The following ANKRD13A variants were observed in gnomAD, a reference collection of about 807,000 sequenced individuals.
The protein encoded by ANKRD13A is ankyrin repeat domain-containing protein 13A.
In ANKRD13A, 48 loss-of-function variants were observed where a neutral mutation model predicts 81.3. The ratio of observed to expected loss-of-function variants is 0.59; its 90% CI spans 0.47 to 0.75. The LOEUF (loss-of-function observed/expected upper bound fraction) is 0.75, where lower values mean the gene tolerates loss of function less well. ANKRD13A is among the 30% of genes least tolerant of loss of function. The probability of loss-of-function intolerance (pLI) is 0.00; values close to 1 mark genes in which losing one functional copy is unlikely to be tolerated. For missense variants in ANKRD13A, 612 were observed against 734.0 expected (o/e 0.83, Z 1.92); for synonymous variants, 230 against 270.1 (o/e 0.85, Z 1.45).
intron 3 of ANKRD13A, among the ~76,000 whole-genome samples, chr12:110,014,318 A>C (rs943560565): frequency 6.6e-6 from 1 of 152,198 alleles, no homozygotes; most frequent in Admixed American, 6.5e-5. Flanking sequence ...AGGCTGAGGC[A>C]GGAGAATGCT....
At chr12:110,028,208 C>T (rs1270348139) in intron 9 of ANKRD13A, 1 of 333,640 alleles carries the variant, frequency 3.0e-6, no homozygotes, top group Non-Finnish European at 5.5e-6. Flanking sequence ...GCTAGAACTT[C>T]AACTCCAAGT....
At position 110,018,502 on chromosome 12, in the gene ANKRD13A, C is replaced by T. The variant is rs1163055938; in HGVS notation, c.544+14C>T. ...TTAAGGGAGAAGGTGAGTGACTTCT[C>T]TTGTAGTAATCACTGCTCAAGCAAA... is the stretch of plus-strand genomic sequence containing the variant. On this transcript the variant is annotated intron_variant, in intron 5 of 14. Coordinates refer to ENST00000261739, the MANE Select transcript of ANKRD13A (RefSeq NM_033121.2). This position sits in a 1 kb window ranked among gnomAD's most constrained non-coding sequence, Gnocchi z 4.4. 2 of 1,611,768 alleles carry T rather than the reference C, an allele frequency of 1.2e-6. No individual in the cohort carries two copies. The highest frequency in any genetic ancestry group is 1.7e-6 in the Non-Finnish European group (2 of 1,178,412).
At position 110,018,513 on chromosome 12, in the gene ANKRD13A, C is replaced by A; in HGVS notation, c.544+25C>A. 1 of 1,605,514 alleles carries A rather than the reference C, an allele frequency of 6.2e-7. No homozygotes were observed. The highest frequency in any genetic ancestry group is 2.2e-5 in the East Asian group (1 of 44,636). On this transcript the variant is annotated intron_variant, in intron 5 of 14. Coordinates refer to ENST00000261739, the MANE Select transcript of ANKRD13A (RefSeq NM_033121.2). This position sits in a 1 kb window ranked among gnomAD's most constrained non-coding sequence, Gnocchi z 4.4. ...GGTGAGTGACTTCTCTTGTAGTAAT[C>A]ACTGCTCAAGCAAAATTACAGGGTG...
intron 1 of ANKRD13A, among the ~76,000 whole-genome samples, chr12:110,004,995 T>C (rs990888727): frequency 2.8e-5 from 4 of 140,658 alleles, no homozygotes; most frequent in African/African-American, 1.3e-4. Context: ...TGTATAAACA[T>C]ATACAGATTG....
chr12:110,034,269 C>T (rs144732373), intron 13 of ANKRD13A, among the ~76,000 whole-genome samples: 1 of 152,224 alleles, frequency 6.6e-6, no homozygotes, highest in African/African-American at 2.4e-5. Flanking sequence ...AGCACTGAAG[C>T]AGTATCATAT....
chr12:110,033,796 G>A lies in ANKRD13A; in HGVS notation c.1349-1G>A. ...CACTGGACGGTTGCCTTTTGTTTCA[G>A]CTTCCCACATCACAAACTTTGAGGT... On this transcript the variant is annotated splice_acceptor_variant, in intron 12 of 14. Transcript: ENST00000261739. LOFTEE classifies it high-confidence loss of function. The A allele has an allele frequency of 6.3e-7, 1 of 1,593,198 alleles. No individual in the cohort carries two copies. The highest frequency in any genetic ancestry group is 1.1e-5 in the South Asian group (1 of 88,308).
chr12:110,011,910 T>C, intron 1 of ANKRD13A, 95 bp from the exon 2 acceptor site: 1 of 1,275,794 alleles, frequency 7.8e-7, no homozygotes, highest in Non-Finnish European at 1.1e-6. Context: ...CATAAATATG[T>C]TTTCTATTTT....
At position 110,025,732 on chromosome 12, in the gene ANKRD13A, C is replaced by T. The variant is rs766743314; in HGVS notation, c.802-10C>T. 9 of 1,597,514 alleles carry T rather than the reference C, an allele frequency of 5.6e-6. No homozygotes were observed. In the East Asian group the frequency reaches 9.2e-5, roughly 16 times the overall value. On this transcript the variant is annotated splice_polypyrimidine_tract_variant and intron_variant, in intron 7 of 14. Coordinates refer to ENST00000261739, the MANE Select transcript of ANKRD13A (RefSeq NM_033121.2). Reference sequence around the variant, plus strand: ...CTGTGTCACTGTTTTCTTTCGCATACACCTCTCAGGTTTACACAGTAAACA... The same window carrying T: ...CTGTGTCACTGTTTTCTTTCGCATATACCTCTCAGGTTTACACAGTAAACA...
At chr12:110,030,270 G>T (rs988740831) in intron 11 of ANKRD13A, among the ~76,000 whole-genome samples, 7 of 151,810 alleles carry the variant, frequency 4.6e-5, no homozygotes, top group African/African-American at 1.7e-4. Flanking sequence ...GGGTTCAAGC[G>T]ATTTTCCTGC....
intron 9 of ANKRD13A, 195 bp from the exon 10 acceptor site, chr12:110,028,317 G>A: frequency 2.0e-6 from 1 of 503,222 alleles, no homozygotes; most frequent in Non-Finnish European, 3.5e-6. Context: ...ATTTTAAAAT[G>A]AAGAAATCCA....
At position 110,036,215 on chromosome 12, in the gene ANKRD13A, A is replaced by G. The variant is rs1164674135; in HGVS notation, c.1510-46A>G. 1 of 1,579,482 alleles carries G rather than the reference A, an allele frequency of 6.3e-7. No individual in the cohort carries two copies. The highest frequency in any genetic ancestry group is 2.2e-5 in the East Asian group (1 of 44,690). On this transcript the variant is annotated intron_variant, in intron 13 of 14. Transcript: ENST00000261739. This position sits in a 1 kb window ranked among gnomAD's most constrained non-coding sequence, Gnocchi z 4.6. ...TCGTTTCCTTACCAGAATGGCACCA[A>G]TTTCTCCTAAGACGTATTCATGTCT... is the stretch of plus-strand genomic sequence containing the variant.
intron 1 of ANKRD13A, among the ~76,000 whole-genome samples, chr12:110,010,643 G>C (rs1418341526): frequency 6.6e-6 from 1 of 152,196 alleles, no homozygotes; most frequent in Non-Finnish European, 1.5e-5. Flanking sequence ...AGCACCGGGG[G>C]AACACTGAGG....
intron 2 of ANKRD13A, among the ~76,000 whole-genome samples, chr12:110,012,565 C>T (rs182374721): frequency 1.3e-5 from 2 of 152,324 alleles, no homozygotes; most frequent in East Asian, 1.9e-4. Context: ...CCAGAAACAG[C>T]TCTCAGTGCA....
At chr12:110,025,167 C>A (rs1432495467) in intron 7 of ANKRD13A, among the ~76,000 whole-genome samples, 1 of 152,074 alleles carries the variant, frequency 6.6e-6, no homozygotes. Context: ...ACCAGCCTGG[C>A]CAACATGGTG....
In ANKRD13A at chr12:110,037,461, C is replaced by A. The variant is rs1166118986; in HGVS notation, c.1680C>A (p.Leu560=). The A allele has an allele frequency of 4.3e-6, 7 of 1,614,104 alleles. No homozygotes were observed. Among genetic ancestry groups the A allele is most frequent in the Admixed American group, 1.7e-5 (1 of 60,012 alleles). Residue 560 remains leucine (L), a synonymous_variant, in exon 15 of 15, where the codon CTC becomes CTA. Coordinates refer to ENST00000261739, the MANE Select transcript of ANKRD13A (RefSeq NM_033121.2). ...ATGACTTGCAGCTAGCCATGGAGCT[C>A]TCTGCCAAAGAGCTGGAGGAATGGG... ...FDNDLQLAME[L]SAKELEEWEL...
chr12:110,033,771 C>T lies in ANKRD13A; in HGVS notation c.1349-26C>T, dbSNP rs761168712. ...GGAGTGGAAATGTAATGAACTCAGACACTGGACGGTTGCCTTTTGTTTCAG... is the reference window on the plus strand; with the variant it reads ...GGAGTGGAAATGTAATGAACTCAGATACTGGACGGTTGCCTTTTGTTTCAG... On this transcript the variant is annotated intron_variant, in intron 12 of 14. Transcript: ENST00000261739. The T allele has an allele frequency of 1.9e-6, 3 of 1,574,060 alleles. No homozygotes were observed. The Admixed American group carries it at 5.5e-5, about 29-fold the overall frequency.
At chr12:110,035,156 C>T (rs1411674487) in intron 13 of ANKRD13A, among the ~76,000 whole-genome samples, 4 of 152,224 alleles carry the variant, frequency 2.6e-5, no homozygotes, top group East Asian at 1.9e-4. Context: ...TCACCATCAG[C>T]CTGGTATGCT....
In ANKRD13A at chr12:110,029,560, C is replaced by T. The variant is rs373804069; in HGVS notation, c.1159C>T (p.Arg387Ter). The T allele has an allele frequency of 3.1e-6, 5 of 1,613,948 alleles. No homozygotes were observed. The highest frequency in any genetic ancestry group is 2.2e-5 in the East Asian group (1 of 44,896). The change falls in exon 11 of 15, where the codon CGA (arginine) becomes TGA (stop). Residue 387 changes from arginine to a stop codon, truncating the protein, a stop_gained. Transcript: ENST00000261739. LOFTEE classifies it high-confidence loss of function. ...QVIPIIDLMA[R>*]TSAHFARLRD... The stretch of plus-strand genomic sequence containing the variant: ...CATTCCCATCATTGACCTAATGGCT[C>T]GAACGAGTGCTCATTTTGCAAGACT...
intron 8 of ANKRD13A, 61 bp downstream of exon 8, chr12:110,025,884 T>C: frequency 4.2e-6 from 6 of 1,426,044 alleles, no homozygotes; most frequent in African/African-American, 1.4e-5. Context: ...TAGAGGGAAC[T>C]CTTTGTTGGC....
Sources: gnomAD v4.1 joint callset for allele counts (sites outside exome capture counted in the v4.1 genomes callset) on GRCh38, gnomAD v4.1.1 for gene constraint, Gnocchi (gnomAD v3.1) non-coding constraint, MANE v1.5 for transcripts, NCBI Gene and HGNC (gene_info 2026-07-23, HGNC 2026-07-21) for gene names.